The following THRB variants were observed in gnomAD, a reference collection of about 807,000 sequenced individuals.
The protein encoded by THRB is nuclear receptor subfamily 1 group A member 2.
A neutral mutation model predicts 47.8 loss-of-function variants in THRB; 12 were observed. The ratio of observed to expected loss-of-function variants is 0.25; its 90% CI spans 0.16 to 0.41. The LOEUF (loss-of-function observed/expected upper bound fraction) is 0.41. Among genes scored for constraint, THRB ranks in the 10% least tolerant of loss-of-function variants. The pLI is 1.00. For missense variants in THRB, 348 were observed against 589.2 expected (o/e 0.59, Z 4.24); for synonymous variants, 218 against 212.2 (o/e 1.03, Z -0.24).
chr3:24,168,503 A>ATATATATATATATATATATATATATATG (rs2039977353), intron 5 of THRB, among the ~76,000 whole-genome samples: 1 of 150,396 alleles, frequency 6.6e-6, no homozygotes, highest in Non-Finnish European at 1.5e-5. Flanking sequence ...ATATATATAT[A>ATATATATATATATATATATATATATATG]TATATATGCG....
intron 3 of THRB, among the ~76,000 whole-genome samples, chr3:24,294,841 G>C (rs1205157905): frequency 6.6e-6 from 1 of 152,184 alleles, no homozygotes; most frequent in East Asian, 1.9e-4. Flanking sequence ...TTTGACTCTA[G>C]GGACTAGCAA....
chr3:24,434,434 C>A (rs1475145389), intron 1 of THRB, among the ~76,000 whole-genome samples: 1 of 152,044 alleles, frequency 6.6e-6, no homozygotes, highest in African/African-American at 2.4e-5. Context: ...ACATAGGAAT[C>A]AAACATGACC....
At chr3:24,346,738 A>G (rs1271227279) in intron 1 of THRB, among the ~76,000 whole-genome samples, 2 of 152,042 alleles carry the variant, frequency 1.3e-5, no homozygotes, top group Non-Finnish European at 2.9e-5. Flanking sequence ...TGAGCGCTAA[A>G]TCTGAATGTA....
chr3:24,144,331 C>T (rs2035826787), intron 7 of THRB: 1 of 154,350 alleles, frequency 6.5e-6, no homozygotes, highest in African/African-American at 2.4e-5. Flanking sequence ...GGTCCACCCT[C>T]AAGGGTGGTT....
chr3:24,152,970 AAAAG>A (rs60859687), intron 5 of THRB, among the ~76,000 whole-genome samples: 34,329 of 120,280 alleles, frequency 0.29, 4,502 homozygotes, highest in East Asian at 0.48. Context: ...CAAAAAAAAA[AAAAG>A]AAAGAAAGAA....
At chr3:24,386,244 C>G (rs1420212608) in intron 1 of THRB, among the ~76,000 whole-genome samples, 2 of 152,044 alleles carry the variant, frequency 1.3e-5, no homozygotes, top group East Asian at 3.9e-4. Flanking sequence ...AAACCCGAGC[C>G]AAGGCAACAA....
At chr3:24,339,891 T>C (rs1360779865) in intron 1 of THRB, among the ~76,000 whole-genome samples, 2 of 152,248 alleles carry the variant, frequency 1.3e-5, no homozygotes, top group Non-Finnish European at 2.9e-5. Context: ...AGAATGTGTG[T>C]TCTTTGCACA....
chr3:24,484,938 T>A (rs780002078), intron 1 of THRB, among the ~76,000 whole-genome samples: 2 of 152,214 alleles, frequency 1.3e-5, no homozygotes, highest in Non-Finnish European at 2.9e-5. Flanking sequence ...CTTAATTAGG[T>A]GATATTTCCA....
At chr3:24,229,681 C>A (rs1482083577) in intron 3 of THRB, among the ~76,000 whole-genome samples, 1 of 152,166 alleles carries the variant, frequency 6.6e-6, no homozygotes, top group East Asian at 1.9e-4. Flanking sequence ...GGGAAGAATG[C>A]CAAGGAAGGG....
chr3:24,234,886 C>T (rs1007604954), intron 3 of THRB, among the ~76,000 whole-genome samples: 9 of 152,156 alleles, frequency 5.9e-5, no homozygotes, highest in Non-Finnish European at 1.2e-4. Flanking sequence ...ATGAATGACA[C>T]TGCAAATGTA....
At chr3:24,175,463 A>G (rs903285407) in intron 5 of THRB, among the ~76,000 whole-genome samples, 2 of 152,204 alleles carry the variant, frequency 1.3e-5, no homozygotes, top group African/African-American at 4.8e-5. Context: ...ATACTATTCA[A>G]AAAGAGCTCA....
chr3:24,380,900 A>C (rs2149840735), intron 1 of THRB, among the ~76,000 whole-genome samples: 1 of 152,248 alleles, frequency 6.6e-6, no homozygotes, highest in Middle Eastern at 3.4e-3. Context: ...GTGGATCATG[A>C]GGTCAAGAGA....
chr3:24,124,717 T>C lies in THRB; in HGVS notation c.1145-1592A>G, dbSNP rs972949022. Among the ~76,000 whole-genome samples the C allele has an allele frequency of 2.0e-5, 3 of 152,234 alleles. No homozygotes were observed. In the East Asian group the frequency reaches 5.8e-4, roughly 29 times the overall value. On this transcript the variant is annotated intron_variant, in intron 10 of 10. Transcript: ENST00000646209. ...GTGGGACCAAGGAACTTAGAAGTAG[T>C]GGCTCTTGGAAAAGTCTTTGAAGAA...
intron 1 of THRB, among the ~76,000 whole-genome samples, chr3:24,393,471 T>C (rs1261473002): frequency 2.0e-5 from 3 of 152,118 alleles, no homozygotes; most frequent in South Asian, 2.1e-4. Context: ...TCTTGGCCCA[T>C]AAATATCTGC....
chr3:24,318,897 T>C (rs929616182), intron 2 of THRB, among the ~76,000 whole-genome samples: 1 of 152,238 alleles, frequency 6.6e-6, no homozygotes, highest in East Asian at 1.9e-4. Context: ...AGAGAAATAG[T>C]TAGGATTCCT....
At chr3:24,365,417 C>G (rs1000748389) in intron 1 of THRB, among the ~76,000 whole-genome samples, 3 of 152,152 alleles carry the variant, frequency 2.0e-5, no homozygotes, top group African/African-American at 7.2e-5. Context: ...TAAACTAAAG[C>G]TTTTCAACAG....
chr3:24,220,757 T>C (rs1017986988), intron 4 of THRB, among the ~76,000 whole-genome samples: 2 of 145,176 alleles, frequency 1.4e-5, no homozygotes, highest in African/African-American at 2.6e-5. Context: ...TCCTTGGAAA[T>C]GCAGCATGAA....
At chr3:24,158,748 TG>T (rs1403987942) in intron 5 of THRB, among the ~76,000 whole-genome samples, 2 of 152,172 alleles carry the variant, frequency 1.3e-5, no homozygotes, top group African/African-American at 4.8e-5. Flanking sequence ...TATTTCTTCA[TG>T]GAAGTGAGAA....
intron 2 of THRB, among the ~76,000 whole-genome samples, chr3:24,333,870 C>T (rs545641786): frequency 6.6e-6 from 1 of 152,328 alleles, no homozygotes; most frequent in South Asian, 2.1e-4. Context: ...ATTTGAGCAT[C>T]TTTAAATCCT....
Sources: allele counts gnomAD v4.1 joint callset (sites outside exome capture counted in the v4.1 genomes callset), GRCh38; gene constraint gnomAD v4.1.1; transcripts MANE v1.5; gene names NCBI Gene and HGNC (gene_info 2026-07-23, HGNC 2026-07-21).